The following ESRRG variants were observed in gnomAD, a reference collection of about 807,000 sequenced individuals.
ESRRG encodes the protein estrogen related receptor gamma.
In ESRRG, 13 loss-of-function variants were observed where a neutral mutation model predicts 44.0. The ratio of observed to expected loss-of-function variants is 0.30; its 90% CI spans 0.19 to 0.47. ESRRG has a LOEUF of 0.47. Ranked by LOEUF, ESRRG falls within the 20% of genes least tolerant of loss-of-function variation. The probability of loss-of-function intolerance (pLI) is 1.00; values close to 1 mark genes in which losing one functional copy is unlikely to be tolerated. For synonymous variants in ESRRG, 215 were observed against 214.6 expected (o/e 1.00, Z -0.02); for missense variants, 395 against 580.6 (o/e 0.68, Z 3.29).
chr1:216,979,244 A>G (rs1357533197), intron 1 of ESRRG, among the ~76,000 whole-genome samples: 1 of 152,046 alleles, frequency 6.6e-6, no homozygotes, highest in Non-Finnish European at 1.5e-5. Context: ...GACTTTCCTT[A>G]CAGGGAGTTA....
At chr1:216,867,367 C>T (rs2096183805) in intron 2 of ESRRG, among the ~76,000 whole-genome samples, 1 of 152,094 alleles carries the variant, frequency 6.6e-6, no homozygotes, top group South Asian at 2.1e-4. Context: ...GAAAGTCAAC[C>T]CAAATGTCAT....
chr1:216,674,049 T>C (rs1307511371), intron 2 of ESRRG, among the ~76,000 whole-genome samples: 1 of 152,240 alleles, frequency 6.6e-6, no homozygotes, highest in East Asian at 1.9e-4. Context: ...CTTATCTTTG[T>C]GTAGTTAAAA....
At chr1:216,639,571 C>T (rs565431161) in intron 3 of ESRRG, among the ~76,000 whole-genome samples, 5 of 152,232 alleles carry the variant, frequency 3.3e-5, no homozygotes, top group East Asian at 1.9e-4. Context: ...TAAGTTAAAC[C>T]AAGTAATGTA....
intron 2 of ESRRG, among the ~76,000 whole-genome samples, chr1:216,751,038 G>C (rs2091957676): frequency 6.6e-6 from 1 of 152,132 alleles, no homozygotes; most frequent in African/African-American, 2.4e-5. Context: ...CTTTTAAAAT[G>C]CTTACCCATC....
At chr1:217,052,746 G>A (rs1432996975) in intron 1 of ESRRG, among the ~76,000 whole-genome samples, 1 of 152,146 alleles carries the variant, frequency 6.6e-6, no homozygotes, top group African/African-American at 2.4e-5. Flanking sequence ...GGATAATGAG[G>A]ACTGCAATCT....
At chr1:216,689,995 A>G (rs2078766003) in intron 1 of ESRRG, among the ~76,000 whole-genome samples, 1 of 152,138 alleles carries the variant, frequency 6.6e-6, no homozygotes, top group South Asian at 2.1e-4. Context: ...ATGTGCAGCA[A>G]CTGAAAATCA....
chr1:216,576,656 G>T (rs1456239731), intron 3 of ESRRG, among the ~76,000 whole-genome samples: 2 of 151,968 alleles, frequency 1.3e-5, no homozygotes, highest in Non-Finnish European at 2.9e-5. Context: ...TGGTTCTGGG[G>T]ATCATGTGCT....
intron 5 of ESRRG, among the ~76,000 whole-genome samples, chr1:216,552,379 A>T (rs1457789053): frequency 6.6e-6 from 1 of 152,152 alleles, no homozygotes; most frequent in African/African-American, 2.4e-5. Flanking sequence ...TTTAGTCTCA[A>T]CTCTGTCTCT....
chr1:216,587,555 C>A (rs1183096933), intron 3 of ESRRG, among the ~76,000 whole-genome samples: 1 of 152,066 alleles, frequency 6.6e-6, no homozygotes, highest in South Asian at 2.1e-4. Context: ...TTTAGCCAGA[C>A]TAAATTAACC....
intron 1 of ESRRG, among the ~76,000 whole-genome samples, chr1:216,968,272 A>T (rs1376286792): frequency 6.6e-6 from 1 of 152,112 alleles, no homozygotes; most frequent in Admixed American, 6.6e-5. Context: ...CATGAATTGT[A>T]CCTTTGGTGC....
chr1:216,554,079 G>C (rs764251981), intron 5 of ESRRG, among the ~76,000 whole-genome samples: 5 of 152,030 alleles, frequency 3.3e-5, no homozygotes, highest in Admixed American at 6.6e-5. Context: ...TGGCTGAATT[G>C]GGGAGGAAGC....
intron 3 of ESRRG, among the ~76,000 whole-genome samples, chr1:216,614,831 C>T (rs1236902556): frequency 2.6e-5 from 4 of 152,112 alleles, no homozygotes; most frequent in African/African-American, 9.7e-5. Context: ...AAAGCATAAA[C>T]AGCGAAGGGA....
intron 5 of ESRRG, among the ~76,000 whole-genome samples, chr1:216,547,367 G>A (rs1301001631): frequency 1.3e-5 from 2 of 151,920 alleles, no homozygotes; most frequent in African/African-American, 4.8e-5. Context: ...GATTTCCAGA[G>A]TTCAATGTTA....
intron 2 of ESRRG, among the ~76,000 whole-genome samples, chr1:216,890,793 T>C (rs190266348): frequency 6.6e-6 from 1 of 152,180 alleles, no homozygotes; most frequent in Admixed American, 6.5e-5. Flanking sequence ...ACACATGTAG[T>C]TTCAAAATAA....
chr1:216,713,934 GCA>G (rs2084217399), intron 1 of ESRRG, among the ~76,000 whole-genome samples: 1 of 152,148 alleles, frequency 6.6e-6, no homozygotes, highest in Non-Finnish European at 1.5e-5. Flanking sequence ...TGTATGAACA[GCA>G]CAGTTAACTG....
chr1:216,516,687 G>T (rs560892032), intron 6 of ESRRG, among the ~76,000 whole-genome samples: 2 of 57,820 alleles, frequency 3.5e-5, no homozygotes, highest in South Asian at 7.0e-4. Flanking sequence ...AGAGAGAAAC[G>T]ACAAAAAAAA....
chr1:216,552,609 G>A (rs1195130800), intron 5 of ESRRG, among the ~76,000 whole-genome samples: 1 of 152,142 alleles, frequency 6.6e-6, no homozygotes, highest in East Asian at 1.9e-4. Context: ...GGCATACTGA[G>A]TTCATGGGAT....
intron 5 of ESRRG, among the ~76,000 whole-genome samples, chr1:216,557,528 A>G (rs2057832692): frequency 6.6e-6 from 1 of 152,206 alleles, no homozygotes; most frequent in African/African-American, 2.4e-5. Context: ...TCTCAGGTTT[A>G]CTCATCTATA....
chr1:216,775,266 G>A (rs1050029108), intron 2 of ESRRG, among the ~76,000 whole-genome samples: 3 of 151,860 alleles, frequency 2.0e-5, no homozygotes, highest in African/African-American at 4.8e-5. Flanking sequence ...TTCTAAGATC[G>A]GCTTCTTCTT....
Sources: gnomAD v4.1 joint callset for allele counts (sites outside exome capture counted in the v4.1 genomes callset) on GRCh38, gnomAD v4.1.1 for gene constraint, MANE v1.5 for transcripts, NCBI Gene and HGNC (gene_info 2026-07-23, HGNC 2026-07-21) for gene names.